The following CNEP1R1 variants were observed in gnomAD, a reference collection of about 807,000 sequenced individuals.
CNEP1R1 encodes the protein nuclear envelope phosphatase-regulatory subunit 1.
A neutral mutation model predicts 22.7 loss-of-function variants in CNEP1R1; 10 were observed. The observed-to-expected ratio is 0.44, with a 90% CI of 0.27 to 0.75. CNEP1R1 has a LOEUF of 0.75. CNEP1R1 is among the 30% of genes least tolerant of loss of function. The pLI, the probability that CNEP1R1 is intolerant of heterozygous loss-of-function variation, is 0.17. For missense variants in CNEP1R1, 73 were observed against 151.5 expected, an observed-to-expected ratio of 0.48 and a Z score of 2.72; for synonymous variants, 53 against 50.1, an observed-to-expected ratio of 1.06 and a Z score of -0.25.
Position 50,035,782 on chromosome 16 carries a change from G to T in CNEP1R1, c.*324G>T, listed in dbSNP as rs2036271082. 1 of 229,660 alleles carries T rather than the reference G, an allele frequency of 4.4e-6. No individual in the cohort carries two copies. The highest frequency in any genetic ancestry group is 2.3e-5 in the African/African-American group (1 of 44,080). The allele number at this position is 229,660 out of a possible 1,614,324, so 14.2% of individuals were successfully genotyped here. ...CATTCAGTTTTTATAATGTATTTTT[G>T]CAAACTACTGTAAATAGCAAATCAA... On this transcript the variant is annotated 3_prime_UTR_variant, in exon 6 of 6. Coordinates refer to ENST00000427478, the MANE Select transcript of CNEP1R1 (RefSeq NM_001281789.2).
chr16:50,033,789 G>A (rs980034238), intron 4 of CNEP1R1, among the ~76,000 whole-genome samples: 8 of 150,944 alleles, frequency 5.3e-5, no homozygotes, highest in African/African-American at 1.7e-4. Flanking sequence ...GCTTGAACCC[G>A]GGAGGCAGAG....
At chr16:50,031,760 G>A (rs200497067) in intron 3 of CNEP1R1, among the ~76,000 whole-genome samples, 1 of 147,458 alleles carries the variant, frequency 6.8e-6, no homozygotes, top group Non-Finnish European at 1.5e-5. Flanking sequence ...CTCAGGAGCA[G>A]TGGCTAGGTA....
chr16:50,032,501 G>A (rs2036239575), intron 3 of CNEP1R1, among the ~76,000 whole-genome samples: 1 of 152,128 alleles, frequency 6.6e-6, no homozygotes, highest in Admixed American at 6.6e-5. Flanking sequence ...GATCTCAGTA[G>A]CTTCAAAACC....
At chr16:50,031,001 T>C (rs961999537) in intron 3 of CNEP1R1, among the ~76,000 whole-genome samples, 1 of 152,220 alleles carries the variant, frequency 6.6e-6, no homozygotes, top group African/African-American at 2.4e-5. Context: ...TACTAATTTG[T>C]GCTTTAATTT....
intron 2 of CNEP1R1, 172 bp downstream of exon 2, chr16:50,026,639 AAC>A: frequency 3.3e-6 from 2 of 606,722 alleles, no homozygotes; most frequent in Non-Finnish European, 5.8e-6. Context: ...TTCTCAAAAG[AAC>A]AGTCTATTTC....
At chr16:50,025,439 C>A (rs995338703) in intron 1 of CNEP1R1, 99 bp downstream of exon 1, 8 of 1,286,522 alleles carry the variant, frequency 6.2e-6, no homozygotes, top group Admixed American at 3.0e-5. Context: ...CGGGAGGAGG[C>A]CGCAGAGGAT....
At position 50,034,123 on chromosome 16, in the gene CNEP1R1, G is replaced by C. The variant is rs772216625; in HGVS notation, c.303G>C (p.Thr101=). ...APSIIAARCR[T]VLAEYNMSCD... Reference sequence around the variant, plus strand: ...TCAGTATAGCTGCTCGATGTCGAACGGTATTAGCAGAATACAATATGTCTT... The same window carrying C: ...TCAGTATAGCTGCTCGATGTCGAACCGTATTAGCAGAATACAATATGTCTT... The change falls in exon 5 of 6, where the codon ACG becomes ACC. Residue 101 remains threonine, a synonymous_variant. Transcript: ENST00000427478. 1 of 1,593,196 alleles carries C rather than the reference G, an allele frequency of 6.3e-7. No homozygotes were observed. Among genetic ancestry groups the C allele is most frequent in the East Asian group, 2.3e-5 (1 of 44,430 alleles).
chr16:50,026,352 C>T (rs376368462), intron 1 of CNEP1R1, 44 bp from the exon 2 acceptor site: 11 of 1,372,176 alleles, frequency 8.0e-6, no homozygotes, highest in Non-Finnish European at 1.0e-5. Context: ...TTTCGTCAGA[C>T]GAGTAAGAGT....
intron 3 of CNEP1R1, among the ~76,000 whole-genome samples, chr16:50,032,229 T>C (rs575265032): frequency 3.3e-5 from 5 of 152,160 alleles, no homozygotes; most frequent in Non-Finnish European, 1.5e-5. Flanking sequence ...CTAATCCACT[T>C]GATTTCTTTC....
Position 50,025,266 on chromosome 16 carries a change from A to AAGCTGCGATGCGGACAGGGC in CNEP1R1, c.-46_-27dup. On this transcript the variant is annotated 5_prime_UTR_variant, in exon 1 of 6. In the 5' UTR this introduces an upstream ATG that the reference lacks. Transcript: ENST00000427478. Reference sequence around the variant, plus strand: ...GCTGCGGGCCGGGCGGGGGCCGCGGAAGCTGCGATGCGGACAGGGCAGCGG... The same window carrying AAGCTGCGATGCGGACAGGGC: ...GCTGCGGGCCGGGCGGGGGCCGCGGAAGCTGCGATGCGGACAGGGCAGCTGCGATGCGGACAGGGCAGCGG... 3 of 1,386,456 alleles carry AAGCTGCGATGCGGACAGGGC rather than the reference A, an allele frequency of 2.2e-6. No individual in the cohort carries two copies. The highest frequency in any genetic ancestry group is 2.8e-6 in the Non-Finnish European group (3 of 1,075,790). 85.9% of individuals were successfully genotyped at this position (1,386,456 alleles called of 1,614,324 possible).
chr16:50,025,356 C>T lies in CNEP1R1; in HGVS notation c.25+16C>T. ...CAGGCGGAAGGTAGGGTGGGCCGCC[C>T]GGGCCCGTCCCCCGTCTCCCCTCGG... On this transcript the variant is annotated intron_variant, in intron 1 of 5. Coordinates refer to ENST00000427478, the MANE Select transcript of CNEP1R1 (RefSeq NM_001281789.2). 5 of 1,435,406 alleles carry T rather than the reference C, an allele frequency of 3.5e-6. No homozygotes were observed. The highest frequency in any genetic ancestry group is 2.5e-4 in the Middle Eastern group (1 of 4,036). The allele number at this position is 1,435,406 out of a possible 1,614,324, so 88.9% of individuals were successfully genotyped here. A position where few individuals can be genotyped will look rare whatever the true frequency, so the allele number is the denominator to read the frequency against.
chr16:50,027,956 TTTTA>T (rs1397379567), intron 2 of CNEP1R1, among the ~76,000 whole-genome samples: 1 of 152,064 alleles, frequency 6.6e-6, no homozygotes, highest in Non-Finnish European at 1.5e-5. Context: ...TTGGAATAGT[TTTTA>T]TTTGTTTTTG....
At position 50,028,507 on chromosome 16, in the gene CNEP1R1, A is replaced by G. The variant is rs143541778; in HGVS notation, c.98-1218A>G. On this transcript the variant is annotated intron_variant, in intron 2 of 5. Coordinates refer to ENST00000427478, the MANE Select transcript of CNEP1R1 (RefSeq NM_001281789.2). ...TCTGGTTGGTCAGAATTTACAGGTA[A>G]TGATTTTCCTAGGTTCTCTGGTTTA... is the stretch of plus-strand genomic sequence containing the variant. Among the ~76,000 whole-genome samples, 1,201 of 152,320 alleles carry G rather than the reference A, an allele frequency of 7.9e-3. 6 individuals carry two copies. The highest frequency in any genetic ancestry group is 0.015 in the Admixed American group (226 of 15,300).
intron 3 of CNEP1R1, among the ~76,000 whole-genome samples, chr16:50,032,115 C>T (rs2036235750): frequency 6.6e-6 from 1 of 152,200 alleles, no homozygotes; most frequent in Admixed American, 6.5e-5. Flanking sequence ...CATGCTGAGC[C>T]ATCTACCTGG....
intron 1 of CNEP1R1, chr16:50,025,598 A>G: frequency 6.7e-7 from 1 of 1,485,056 alleles, no homozygotes; most frequent in Non-Finnish European, 9.4e-7. Context: ...ACTGGCAGAC[A>G]CTTGCACTTC....
intron 5 of CNEP1R1, chr16:50,034,360 A>G: frequency 1.9e-6 from 1 of 535,802 alleles, no homozygotes; most frequent in Non-Finnish European, 3.3e-6. Context: ...AGATCTGACA[A>G]ATTGGGAGAG....
chr16:50,032,618 CAT>C (rs1167546739), intron 3 of CNEP1R1, among the ~76,000 whole-genome samples: 1 of 152,142 alleles, frequency 6.6e-6, no homozygotes, highest in Non-Finnish European at 1.5e-5. Context: ...AACAAGGCAG[CAT>C]ATGTGTGGAA....
intron 1 of CNEP1R1, chr16:50,026,164 C>G (rs1315342617): frequency 2.2e-6 from 1 of 456,152 alleles, no homozygotes; most frequent in Admixed American, 3.7e-5. Context: ...AGTAAATCAG[C>G]AAGTTTTCTT....
At chr16:50,025,463 C>A in intron 1 of CNEP1R1, 123 bp downstream of exon 1, 2 of 1,214,950 alleles carry the variant, frequency 1.6e-6, no homozygotes, top group Non-Finnish European at 2.2e-6. Context: ...GCTAGGGGCC[C>A]GGAGCTTGGG....
Sources: allele counts gnomAD v4.1 joint callset (sites outside exome capture counted in the v4.1 genomes callset), GRCh38; gene constraint gnomAD v4.1.1; transcripts MANE v1.5; gene names NCBI Gene and HGNC (gene_info 2026-07-23, HGNC 2026-07-21).